Variants in STAC observed in about 807,000 individuals in gnomAD.
STAC encodes the protein SH3 and cysteine rich domain.
STAC carries 43 observed loss-of-function variants against 48.8 expected under a neutral mutation model. The ratio of observed to expected loss-of-function variants is 0.88; its 90% CI spans 0.69 to 1.14. The LOEUF is 1.14. Ranked by LOEUF, STAC falls within the 50% of genes most tolerant of loss-of-function variation. The probability of loss-of-function intolerance (pLI) is 0.00; values close to 1 mark genes in which losing one functional copy is unlikely to be tolerated. For synonymous variants in STAC, 193 were observed against 179.5 expected (o/e 1.07, Z -0.60); for missense variants, 497 against 504.0 (o/e 0.99, Z 0.13).
At chr3:36,497,364 TA>T (rs576403696) in intron 6 of STAC, among the ~76,000 whole-genome samples, 15 of 152,000 alleles carry the variant, frequency 9.9e-5, no homozygotes, top group Non-Finnish European at 1.5e-5. Context: ...AGAATTGTTC[TA>T]AAAAAAATTC....
intron 7 of STAC, among the ~76,000 whole-genome samples, chr3:36,505,340 C>A (rs1021547984): frequency 6.6e-6 from 1 of 151,986 alleles, no homozygotes; most frequent in Non-Finnish European, 1.5e-5. Flanking sequence ...ACCAACTTTT[C>A]GGCTAACTGA....
intron 2 of STAC, among the ~76,000 whole-genome samples, chr3:36,466,617 T>A (rs564615936): frequency 3.5e-4 from 53 of 151,746 alleles, no homozygotes; most frequent in African/African-American, 1.2e-3. Context: ...TATTCTGGAA[T>A]GGATTGAGTT....
intron 1 of STAC, among the ~76,000 whole-genome samples, chr3:36,393,984 G>A (rs1273035499): frequency 6.6e-6 from 1 of 151,986 alleles, no homozygotes; most frequent in African/African-American, 2.4e-5. Flanking sequence ...CTGGCGGTGG[G>A]GGAGAGATCT....
At chr3:36,460,363 G>C (rs1352630988) in intron 2 of STAC, among the ~76,000 whole-genome samples, 1 of 152,020 alleles carries the variant, frequency 6.6e-6, no homozygotes, top group Non-Finnish European at 1.5e-5. Flanking sequence ...TTGAAATTCA[G>C]ATAAACGACA....
intron 1 of STAC, among the ~76,000 whole-genome samples, chr3:36,419,524 G>A (rs1387573953): frequency 6.6e-6 from 1 of 152,126 alleles, no homozygotes; most frequent in Non-Finnish European, 1.5e-5. Context: ...GGGTAAAGAT[G>A]GTTATACACC....
At chr3:36,396,369 T>C (rs1046299102) in intron 1 of STAC, among the ~76,000 whole-genome samples, 2 of 152,154 alleles carry the variant, frequency 1.3e-5, no homozygotes, top group African/African-American at 4.8e-5. Context: ...AATCACAGGA[T>C]ACAAATGCAA....
intron 8 of STAC, among the ~76,000 whole-genome samples, chr3:36,515,486 G>C (rs915356023): frequency 2.6e-5 from 4 of 152,172 alleles, no homozygotes; most frequent in African/African-American, 9.7e-5. Context: ...AGGGCATCAG[G>C]AAGGTAAGGA....
At chr3:36,397,352 G>A (rs1479069504) in intron 1 of STAC, among the ~76,000 whole-genome samples, 2 of 152,094 alleles carry the variant, frequency 1.3e-5, no homozygotes, top group East Asian at 1.9e-4. Context: ...CATTATTTTC[G>A]ATGGATCTGA....
chr3:36,520,119 C>T (rs1698765987), intron 8 of STAC, among the ~76,000 whole-genome samples: 1 of 152,188 alleles, frequency 6.6e-6, no homozygotes, highest in African/African-American at 2.4e-5. Context: ...TTTTTCCTAG[C>T]ATCCTCTTGA....
chr3:36,431,162 G>A (rs1700691248), intron 1 of STAC, among the ~76,000 whole-genome samples: 1 of 152,116 alleles, frequency 6.6e-6, no homozygotes, highest in Non-Finnish European at 1.5e-5. Context: ...GCTCTATACT[G>A]TAAAATCCTC....
chr3:36,449,400 A>G (rs1251587385), intron 2 of STAC, among the ~76,000 whole-genome samples: 1 of 152,190 alleles, frequency 6.6e-6, no homozygotes, highest in Non-Finnish European at 1.5e-5. Flanking sequence ...TCCTTAATAT[A>G]CATAATTCAG....
chr3:36,483,374 C>A (rs536847523), intron 3 of STAC, among the ~76,000 whole-genome samples: 1 of 152,346 alleles, frequency 6.6e-6, no homozygotes, highest in African/African-American at 2.4e-5. Context: ...GAAAGTCCCA[C>A]ATCCTGGGTC....
chr3:36,420,599 T>C (rs1308555970), intron 1 of STAC, among the ~76,000 whole-genome samples: 2 of 152,196 alleles, frequency 1.3e-5, no homozygotes, highest in Admixed American at 1.3e-4. Context: ...GTGCACTCCT[T>C]ATGAGAATCT....
chr3:36,393,404 C>A (rs1315676032), intron 1 of STAC, among the ~76,000 whole-genome samples: 1 of 151,724 alleles, frequency 6.6e-6, no homozygotes, highest in East Asian at 1.9e-4. Context: ...AGATGATAAA[C>A]AAGGTAAAAA....
At chr3:36,471,629 T>C (rs1010398653) in intron 2 of STAC, among the ~76,000 whole-genome samples, 3 of 152,174 alleles carry the variant, frequency 2.0e-5, no homozygotes, top group African/African-American at 7.2e-5. Flanking sequence ...ATGGGAGAAA[T>C]TGGCCAAAAC....
intron 2 of STAC, among the ~76,000 whole-genome samples, chr3:36,475,261 TA>T (rs1214525973): frequency 1.3e-5 from 2 of 148,540 alleles, no homozygotes; most frequent in African/African-American, 2.5e-5. Flanking sequence ...TACATCATGT[TA>T]TTTTTTTTTT....
At chr3:36,419,305 C>T (rs1700393589) in intron 1 of STAC, among the ~76,000 whole-genome samples, 1 of 151,998 alleles carries the variant, frequency 6.6e-6, no homozygotes, top group African/African-American at 2.4e-5. Flanking sequence ...TTTAGTGTGG[C>T]TCTTTGAAAC....
At chr3:36,417,930 C>A (rs7644445) in intron 1 of STAC, among the ~76,000 whole-genome samples, 3,540 of 152,240 alleles carry the variant, frequency 0.023, 60 homozygotes, top group East Asian at 0.026. Flanking sequence ...TAGCAATTTA[C>A]ATTTTCCTAG....
intron 10 of STAC, among the ~76,000 whole-genome samples, chr3:36,542,640 A>G (rs1259205691): frequency 1.3e-5 from 2 of 152,190 alleles, no homozygotes; most frequent in African/African-American, 2.4e-5. Flanking sequence ...TCAGGTTTCC[A>G]TAAGTATTTC....
Sources: allele counts gnomAD v4.1 joint callset (sites outside exome capture counted in the v4.1 genomes callset), GRCh38; gene constraint gnomAD v4.1.1; transcripts MANE v1.5; gene names NCBI Gene and HGNC (gene_info 2026-07-23, HGNC 2026-07-21).